The following NCAPG2 variants were observed in gnomAD, a reference collection of about 807,000 sequenced individuals.
NCAPG2 encodes non-SMC condensin II complex subunit G2.
In NCAPG2, 53 loss-of-function variants were observed where a neutral mutation model predicts 141.1. The observed-to-expected ratio is 0.38, with a 90% CI of 0.30 to 0.47. The LOEUF is 0.47. Among genes scored for constraint, NCAPG2 ranks in the 20% least tolerant of loss-of-function variants. NCAPG2 has a pLI of 0.99. For missense variants in NCAPG2, 1,087 were observed against 1,389.0 expected (o/e 0.78, Z 3.46); for synonymous variants, 499 against 490.7 (o/e 1.02, Z -0.22).
chr7:158,671,408 A>C (rs1417446951), intron 13 of NCAPG2, 106 bp downstream of exon 13: 2 of 1,328,154 alleles, frequency 1.5e-6, no homozygotes, highest in African/African-American at 2.9e-5. Flanking sequence ...TGGTCAAATC[A>C]TATCAGTTAT....
intron 13 of NCAPG2, chr7:158,667,116 C>G: frequency 1.0e-6 from 1 of 983,166 alleles, no homozygotes; most frequent in Non-Finnish European, 1.2e-6. Context: ...GGGAAATTAG[C>G]TTGCATGCTC....
intron 27 of NCAPG2, among the ~76,000 whole-genome samples, chr7:158,637,519 A>G: frequency 6.6e-6 from 1 of 152,334 alleles, no homozygotes; most frequent in African/African-American, 2.4e-5. Context: ...CCCCCACCCC[A>G]TCCGAGCCAC....
chr7:158,659,684 A>C (rs976417463), intron 16 of NCAPG2, among the ~76,000 whole-genome samples: 1 of 152,126 alleles, frequency 6.6e-6, no homozygotes. Context: ...TGAATCCTAA[A>C]ATAATGATAA....
At position 158,693,338 on chromosome 7, in the gene NCAPG2, T is replaced by C. The variant is rs920923099; in HGVS notation, c.238A>G (p.Asn80Asp). The C allele has an allele frequency of 3.1e-6, 5 of 1,613,046 alleles. No homozygotes were observed. The highest frequency in any genetic ancestry group is 4.2e-6 in the Non-Finnish European group (5 of 1,179,834). ...TTTGAGCCATGTTCGGTTTCCATAT[T>C]GTCTTCACCCTGGGCTTCCACTACC... is the stretch of plus-strand genomic sequence containing the variant. The part of the protein sequence containing the change: ...WQVVEAQGED[N>D]METEHGSKMR... The change falls in exon 3 of 28, where the codon AAT (asparagine) becomes GAT (aspartate). Residue 80 changes from asparagine (N) to aspartate (D), a missense_variant. Asn to Asp is a conservative substitution (Grantham distance 23). Coordinates refer to ENST00000356309, the MANE Select transcript of NCAPG2 (RefSeq NM_017760.7).
chr7:158,686,069 C>T, intron 8 of NCAPG2, 103 bp downstream of exon 8: 1 of 646,114 alleles, frequency 1.5e-6, no homozygotes, highest in Non-Finnish European at 2.5e-6. Context: ...TTTATTTTGA[C>T]AGAGTGCATA....
intron 12 of NCAPG2, among the ~76,000 whole-genome samples, chr7:158,672,130 A>G (rs1302196716): frequency 6.6e-6 from 1 of 151,864 alleles, no homozygotes; most frequent in Non-Finnish European, 1.5e-5. Context: ...GTGGCCACGT[A>G]GCAGGTGGCA....
intron 17 of NCAPG2, among the ~76,000 whole-genome samples, chr7:158,658,010 C>T (rs983787896): frequency 3.9e-5 from 6 of 152,070 alleles, no homozygotes; most frequent in African/African-American, 7.2e-5. Flanking sequence ...GGGACACAAA[C>T]GCTGCGGAAG....
intron 13 of NCAPG2, chr7:158,667,189 A>C (rs994493886): frequency 3.0e-6 from 3 of 985,448 alleles, no homozygotes; most frequent in Non-Finnish European, 3.6e-6. Flanking sequence ...TGCAAAGATA[A>C]GGACTGAAAC....
chr7:158,688,752 G>C (rs139175196), intron 6 of NCAPG2, among the ~76,000 whole-genome samples: 308 of 152,300 alleles, frequency 2.0e-3, no homozygotes, highest in African/African-American at 6.8e-3. Flanking sequence ...CACCTATAAA[G>C]TGAACAAAGA....
intron 11 of NCAPG2, among the ~76,000 whole-genome samples, chr7:158,677,524 G>GAAAAAAAAAAAAAAAAAAAAAAAAAAAAA (rs1491491903): frequency 2.0e-4 from 1 of 5,080 alleles, no homozygotes; most frequent in Non-Finnish European, 4.1e-4. Context: ...TAAAAATAAA[G>GAAAAAAAAAAAAAAAAAAAAAAAAAAAAA]CAAAAAAAAA....
intron 17 of NCAPG2, 96 bp from the exon 18 acceptor site, chr7:158,656,801 G>A (rs932228061): frequency 2.6e-5 from 36 of 1,386,360 alleles, no homozygotes; most frequent in South Asian, 1.5e-4. Context: ...AAAATCTGAC[G>A]GTGCATAAGC....
intron 16 of NCAPG2, among the ~76,000 whole-genome samples, chr7:158,660,380 C>T (rs1038731985): frequency 2.4e-4 from 35 of 144,434 alleles, no homozygotes; most frequent in Admixed American, 5.1e-4. Flanking sequence ...TTTCTCAGTC[C>T]CAGGTCATTA....
chr7:158,696,955 T>A (rs1835486300), intron 2 of NCAPG2, among the ~76,000 whole-genome samples: 1 of 152,242 alleles, frequency 6.6e-6, no homozygotes, highest in South Asian at 2.1e-4. Flanking sequence ...AAAATTCCTA[T>A]CACCTAGTGA....
At chr7:158,659,647 T>C (rs1434206293) in intron 16 of NCAPG2, among the ~76,000 whole-genome samples, 2 of 152,180 alleles carry the variant, frequency 1.3e-5, no homozygotes, top group African/African-American at 2.4e-5. Flanking sequence ...ATAAGAGATA[T>C]TCTTGGCTGG....
chr7:158,641,799 A>G (rs1380906456), intron 27 of NCAPG2, among the ~76,000 whole-genome samples: 1 of 152,234 alleles, frequency 6.6e-6, no homozygotes, highest in African/African-American at 2.4e-5. Flanking sequence ...GTAATAGATA[A>G]GTCAGTTATT....
chr7:158,660,099 A>G (rs1281794745), intron 16 of NCAPG2, among the ~76,000 whole-genome samples: 1 of 147,772 alleles, frequency 6.8e-6, no homozygotes, highest in Non-Finnish European at 1.5e-5. Flanking sequence ...CAGAGCGAGA[A>G]AAAAAAAAAA....
chr7:158,650,225 T>G (rs1831383860), intron 24 of NCAPG2, among the ~76,000 whole-genome samples: 2 of 152,276 alleles, frequency 1.3e-5, no homozygotes, highest in South Asian at 4.1e-4. Context: ...TTTTGTATCT[T>G]TAGTAGAGAC....
At position 158,675,848 on chromosome 7, in the gene NCAPG2, C is replaced by T. The variant is rs534308323; in HGVS notation, c.1147-192G>A. Among the ~76,000 whole-genome samples the T allele has an allele frequency of 2.7e-3, 406 of 152,270 alleles. 3 individuals are homozygous for T. Among genetic ancestry groups the T allele is most frequent in the Non-Finnish European group, 4.7e-3 (318 of 68,026 alleles). On this transcript the variant is annotated intron_variant, in intron 11 of 27. Transcript: ENST00000356309. Reference sequence around the variant, plus strand: ...TAAAGCAGAGTATTTAAGATCAAGCCAGAAACATGGGGTGCCTCATGTGCC... The same window carrying T: ...TAAAGCAGAGTATTTAAGATCAAGCTAGAAACATGGGGTGCCTCATGTGCC...
intron 13 of NCAPG2, chr7:158,664,992 T>C: frequency 2.5e-6 from 1 of 408,002 alleles, no homozygotes; most frequent in Admixed American, 4.1e-5. Flanking sequence ...AGAGGTTTAA[T>C]TAAAATTACT....
Sources: allele counts gnomAD v4.1 joint callset (sites outside exome capture counted in the v4.1 genomes callset), GRCh38; gene constraint gnomAD v4.1.1; transcripts MANE v1.5; gene names NCBI Gene and HGNC (gene_info 2026-07-23, HGNC 2026-07-21).